Variants in UVRAG observed in about 807,000 individuals in gnomAD.
UVRAG encodes UV radiation resistance associated, also known as UV radiation resistance-associated gene protein.
Under a neutral mutation model 78.0 loss-of-function variants are expected in UVRAG, and 19 were observed. The ratio of observed to expected loss-of-function variants is 0.24; its 90% CI spans 0.17 to 0.36. The LOEUF (loss-of-function observed/expected upper bound fraction) is 0.36. Ranked by LOEUF, UVRAG falls within the 10% of genes least tolerant of loss-of-function variation. UVRAG has a pLI of 1.00. For synonymous variants in UVRAG, 323 were observed against 324.6 expected (o/e 1.00, Z 0.05); for missense variants, 740 against 853.8 (o/e 0.87, Z 1.66).
At chr11:75,846,338 G>T (rs7121639) in intron 1 of UVRAG, among the ~76,000 whole-genome samples, 10 of 152,124 alleles carry the variant, frequency 6.6e-5, no homozygotes, top group Non-Finnish European at 1.3e-4. Flanking sequence ...TCAGGTAAGG[G>T]TTTCAGACCA....
At chr11:76,133,976 C>T (rs1227667315) in intron 14 of UVRAG, among the ~76,000 whole-genome samples, 18 of 136,830 alleles carry the variant, frequency 1.3e-4, no homozygotes, top group Non-Finnish European at 2.8e-4. Context: ...TTTTTTGAGA[C>T]GGAGTCTCAC....
At chr11:76,107,477 C>T (rs1039328194) in intron 13 of UVRAG, among the ~76,000 whole-genome samples, 24 of 152,166 alleles carry the variant, frequency 1.6e-4, no homozygotes, top group Admixed American at 1.1e-3. Flanking sequence ...TTTAAAGCTT[C>T]TAGTTTTGAC....
At position 76,130,936 on chromosome 11, in the gene UVRAG, T is replaced by G. The variant is rs560921623; in HGVS notation, c.1398-9775T>G. Among the ~76,000 whole-genome samples the G allele has an allele frequency of 4.9e-4, 62 of 126,834 alleles. 1 individual carries two copies. The highest frequency in any genetic ancestry group is 8.2e-3 in the Middle Eastern group (2 of 244). 83.2% of individuals were successfully genotyped at this position (126,834 alleles called of 152,430 possible). A position where few individuals can be genotyped will look rare whatever the true frequency, so the allele number is the denominator to read the frequency against. On this transcript the variant is annotated intron_variant, in intron 14 of 14. Transcript: ENST00000356136. Reference sequence around the variant, plus strand: ...AAGGCAGAGGTTTTGGGTTTTTTTGTTTTTTTTTTTCATTTTTTCCCTGGT... The same window carrying G: ...AAGGCAGAGGTTTTGGGTTTTTTTGGTTTTTTTTTTCATTTTTTCCCTGGT...
intron 1 of UVRAG, among the ~76,000 whole-genome samples, chr11:75,822,178 A>G (rs534696302): frequency 7.2e-5 from 11 of 152,052 alleles, no homozygotes; most frequent in Non-Finnish European, 1.3e-4. Flanking sequence ...TCCTGACCTC[A>G]GGTGATCCAC....
At chr11:76,068,391 G>A (rs1017549374) in intron 13 of UVRAG, among the ~76,000 whole-genome samples, 12 of 152,120 alleles carry the variant, frequency 7.9e-5, no homozygotes, top group Admixed American at 5.2e-4. Context: ...TGTAGTAATT[G>A]TGTATCCTCT....
rs534785750 is a variant in UVRAG, at chr11:76,022,422, CTCCT to C, written c.1226+5444_1226+5447del. On this transcript the variant is annotated intron_variant, in intron 12 of 14. Coordinates refer to ENST00000356136, the MANE Select transcript of UVRAG (RefSeq NM_003369.4). The stretch of plus-strand genomic sequence containing the variant: ...ACTATTAGTGTAAAACTGTATATTT[CTCCT>C]TTCAATTCTGTCAACATTTGCTTCA... 1.4e-3 allele frequency among the ~76,000 whole-genome samples: 213 copies of C among 152,002 alleles called. 3 individuals carry two copies. In the East Asian group the frequency reaches 0.032, roughly 23 times the overall value.
At chr11:76,117,161 T>C (rs1035386920) in intron 14 of UVRAG, among the ~76,000 whole-genome samples, 2 of 152,218 alleles carry the variant, frequency 1.3e-5, no homozygotes, top group South Asian at 2.1e-4. Flanking sequence ...ATGAGAAAGC[T>C]CAAGCCCTGT....
At chr11:76,026,469 G>A (rs893560074) in intron 12 of UVRAG, among the ~76,000 whole-genome samples, 6 of 152,068 alleles carry the variant, frequency 3.9e-5, no homozygotes, top group African/African-American at 1.4e-4. Flanking sequence ...TTGCTTTCAT[G>A]GCATCCAATT....
In UVRAG at chr11:75,815,297, C is replaced by G. The variant is rs967333412; in HGVS notation, c.-111C>G. 3.7e-6 allele frequency: 2 copies of G among 546,014 alleles called. No homozygotes were observed. Among genetic ancestry groups the G allele is most frequent in the Non-Finnish European group, 5.7e-6 (2 of 352,398 alleles). The allele number at this position is 546,014 out of a possible 1,614,324, so 33.8% of individuals were successfully genotyped here. ...TACTGTCTGGGCTGAGCAGTAGTGCCTCTCGGGTGGCGGGTTTCTAGGCTG... is the reference window on the plus strand; with the variant it reads ...TACTGTCTGGGCTGAGCAGTAGTGCGTCTCGGGTGGCGGGTTTCTAGGCTG... On this transcript the variant is annotated 5_prime_UTR_variant, in exon 1 of 15. Transcript: ENST00000356136.
At chr11:75,995,331 C>A (rs1949684967) in intron 8 of UVRAG, among the ~76,000 whole-genome samples, 1 of 151,824 alleles carries the variant, frequency 6.6e-6, no homozygotes, top group Non-Finnish European at 1.5e-5. Flanking sequence ...CAAAAACAAA[C>A]ACATTATTTT....
At chr11:75,830,454 G>T (rs1003735032) in intron 1 of UVRAG, among the ~76,000 whole-genome samples, 1 of 151,936 alleles carries the variant, frequency 6.6e-6, no homozygotes, top group Non-Finnish European at 1.5e-5. Flanking sequence ...TGTATTTTTA[G>T]TAGAGACTGG....
chr11:76,065,335 A>C (rs1951166095), intron 12 of UVRAG, among the ~76,000 whole-genome samples: 1 of 152,194 alleles, frequency 6.6e-6, no homozygotes, highest in Admixed American at 6.5e-5. Flanking sequence ...TCTCCCATTT[A>C]GTAGAAGTTG....
chr11:75,839,827 A>G (rs912178496), intron 1 of UVRAG, among the ~76,000 whole-genome samples: 84 of 149,484 alleles, frequency 5.6e-4, no homozygotes, highest in African/African-American at 1.9e-3. Flanking sequence ...GTGTGTGTGT[A>G]TATATATATA....
chr11:75,884,633 A>AT (rs1590974028), intron 4 of UVRAG, among the ~76,000 whole-genome samples: 1 of 152,148 alleles, frequency 6.6e-6, no homozygotes, highest in East Asian at 1.9e-4. Flanking sequence ...TGGATGAACA[A>AT]TTGTTCCTGT....
intron 12 of UVRAG, among the ~76,000 whole-genome samples, chr11:76,036,915 C>T (rs1748562709): frequency 6.6e-6 from 1 of 152,076 alleles, no homozygotes; most frequent in African/African-American, 2.4e-5. Context: ...TGAATAGGAG[C>T]TGCTTCCAGA....
intron 13 of UVRAG, among the ~76,000 whole-genome samples, chr11:76,088,369 G>A (rs1039359855): frequency 5.9e-5 from 9 of 152,168 alleles, no homozygotes; most frequent in African/African-American, 2.2e-4. Flanking sequence ...GACGAGGGGT[G>A]GGAAGTTTGC....
At chr11:75,928,140 G>A (rs1267064671) in intron 6 of UVRAG, among the ~76,000 whole-genome samples, 1 of 152,070 alleles carries the variant, frequency 6.6e-6, no homozygotes, top group African/African-American at 2.4e-5. Context: ...GTGGAGAATA[G>A]ACTGGGCTTC....
At chr11:75,883,025 C>G (rs1946985287) in intron 4 of UVRAG, among the ~76,000 whole-genome samples, 1 of 152,144 alleles carries the variant, frequency 6.6e-6, no homozygotes, top group African/African-American at 2.4e-5. Context: ...GACTGACCAA[C>G]CAGATCCCTG....
intron 1 of UVRAG, among the ~76,000 whole-genome samples, chr11:75,841,440 A>G (rs577470682): frequency 2.6e-5 from 4 of 152,186 alleles, no homozygotes; most frequent in Non-Finnish European, 5.9e-5. Flanking sequence ...TCCCTGATCT[A>G]CATTATTCAA....
Sources: allele counts gnomAD v4.1 joint callset (sites outside exome capture counted in the v4.1 genomes callset), GRCh38; gene constraint gnomAD v4.1.1; transcripts MANE v1.5; gene names NCBI Gene and HGNC (gene_info 2026-07-23, HGNC 2026-07-21).